TRIM33: variants seen among roughly 807,000 people sequenced by gnomAD.
TRIM33 encodes E3 ubiquitin-protein ligase TRIM33.
A neutral mutation model predicts 125.4 loss-of-function variants in TRIM33; 20 were observed. The ratio of observed to expected loss-of-function variants is 0.16; its 90% confidence interval spans 0.11 to 0.23. The LOEUF (loss-of-function observed/expected upper bound fraction) is 0.23. TRIM33 is among the 10% of genes least tolerant of loss of function. The pLI, the probability that TRIM33 is intolerant of heterozygous loss-of-function variation, is 1.00. For synonymous variants in TRIM33, 564 were observed against 513.9 expected (o/e 1.10, Z -1.32); for missense variants, 920 against 1,411.4 (o/e 0.65, Z 5.58).
intron 4 of TRIM33, among the ~76,000 whole-genome samples, chr1:114,461,169 C>A (rs554713926): frequency 6.7e-6 from 1 of 148,822 alleles, no homozygotes; most frequent in African/African-American, 2.5e-5. Flanking sequence ...TATGATCATG[C>A]CACTGCATTC....
intron 1 of TRIM33, among the ~76,000 whole-genome samples, chr1:114,491,961 A>G (rs1652096788): frequency 6.6e-6 from 1 of 152,220 alleles, no homozygotes; most frequent in Admixed American, 6.5e-5. Flanking sequence ...GGGGCACTTC[A>G]GCTTTATTAC....
intron 1 of TRIM33, among the ~76,000 whole-genome samples, chr1:114,468,160 C>G (rs1391785182): frequency 6.6e-6 from 1 of 152,246 alleles, no homozygotes; most frequent in Non-Finnish European, 1.5e-5. Flanking sequence ...GCACCTATCT[C>G]TTATTCATCT....
chr1:114,472,007 T>A (rs541318143), intron 1 of TRIM33, among the ~76,000 whole-genome samples: 1 of 152,344 alleles, frequency 6.6e-6, no homozygotes, highest in Non-Finnish European at 1.5e-5. Flanking sequence ...GTGTAAATAC[T>A]GCTGCAGAAA....
chr1:114,450,727 G>T (rs1291469025), intron 4 of TRIM33, among the ~76,000 whole-genome samples: 1 of 152,030 alleles, frequency 6.6e-6, no homozygotes, highest in African/African-American at 2.4e-5. Context: ...TTCATTGCTG[G>T]TTTTGGAAAC....
intron 4 of TRIM33, among the ~76,000 whole-genome samples, chr1:114,452,536 T>G (rs1366464000): frequency 1.3e-5 from 2 of 152,030 alleles, no homozygotes; most frequent in East Asian, 3.9e-4. Flanking sequence ...TAATTCAACA[T>G]TTTTTAACCT....
chr1:114,436,744 C>G (rs903820587), intron 4 of TRIM33, among the ~76,000 whole-genome samples: 1 of 152,022 alleles, frequency 6.6e-6, no homozygotes, highest in African/African-American at 2.4e-5. Flanking sequence ...GGATTACAGG[C>G]GTGAGCCACC....
At chr1:114,473,468 A>C (rs1444870705) in intron 1 of TRIM33, among the ~76,000 whole-genome samples, 1 of 152,012 alleles carries the variant, frequency 6.6e-6, no homozygotes, top group African/African-American at 2.4e-5. Flanking sequence ...CCGATTGGCT[A>C]CTTTAAAGAG....
chr1:114,487,630 G>C (rs1651783987), intron 1 of TRIM33, among the ~76,000 whole-genome samples: 1 of 151,878 alleles, frequency 6.6e-6, no homozygotes, highest in Admixed American at 6.6e-5. Flanking sequence ...GGGCGCGGTG[G>C]CTCACGCCTG....
intron 12 of TRIM33, among the ~76,000 whole-genome samples, chr1:114,409,038 A>T (rs1646304374): frequency 6.6e-6 from 1 of 152,224 alleles, no homozygotes; most frequent in Non-Finnish European, 1.5e-5. Flanking sequence ...TATTCTACTT[A>T]GGTTCCCATT....
chr1:114,510,897 G>A lies in TRIM33; in HGVS notation c.180C>T (p.Ala60=). The change falls in exon 1 of 20, where the codon GCC becomes GCT. Residue 60 remains alanine (A), a synonymous_variant. Transcript: ENST00000358465. The part of the protein sequence containing the change: ...GGRAGAEGGA[A]GPDDGGVAAA... ...CGGCCACCCCCCCGTCGTCGGGCCCGGCCGCGCCGCCCTCAGCGCCGGCCC... is the reference window on the plus strand; with the variant it reads ...CGGCCACCCCCCCGTCGTCGGGCCCAGCCGCGCCGCCCTCAGCGCCGGCCC... The A allele has an allele frequency of 1.4e-6, 2 of 1,430,094 alleles. No homozygotes were observed. The highest frequency in any genetic ancestry group is 1.4e-5 in the South Asian group (1 of 69,806). The allele number at this position is 1,430,094 out of a possible 1,614,324, so 88.6% of individuals were successfully genotyped here.
At chr1:114,490,419 C>A (rs1217191294) in intron 1 of TRIM33, among the ~76,000 whole-genome samples, 6 of 152,102 alleles carry the variant, frequency 3.9e-5, no homozygotes, top group Admixed American at 2.6e-4. Context: ...AAACTGGAAC[C>A]CTCATACATA....
intron 1 of TRIM33, among the ~76,000 whole-genome samples, chr1:114,468,074 A>C (rs1650414569): frequency 6.6e-6 from 1 of 152,252 alleles, no homozygotes; most frequent in African/African-American, 2.4e-5. Context: ...GGATGGAAAA[A>C]GATTGTCAAG....
At chr1:114,464,172 A>G (rs1650155218) in intron 2 of TRIM33, 98 bp downstream of exon 2, 3 of 582,620 alleles carry the variant, frequency 5.1e-6, no homozygotes, top group Admixed American at 7.2e-5. Context: ...AATCCATAGC[A>G]GAACCACCCT....
At chr1:114,499,195 C>G (rs1246769562) in intron 1 of TRIM33, among the ~76,000 whole-genome samples, 1 of 152,014 alleles carries the variant, frequency 6.6e-6, no homozygotes, top group Non-Finnish European at 1.5e-5. Context: ...AAGAAAACTT[C>G]AAAAATTCAA....
At chr1:114,476,701 A>G (rs1023672654) in intron 1 of TRIM33, among the ~76,000 whole-genome samples, 6 of 152,154 alleles carry the variant, frequency 3.9e-5, no homozygotes, top group African/African-American at 1.4e-4. Flanking sequence ...ATCAGAAAAT[A>G]CTCCATGTAA....
At chr1:114,472,657 G>T (rs1650720997) in intron 1 of TRIM33, among the ~76,000 whole-genome samples, 4 of 152,174 alleles carry the variant, frequency 2.6e-5, no homozygotes, top group Admixed American at 2.6e-4. Context: ...CTGAGGGTGT[G>T]AGGTCAAGCT....
chr1:114,508,986 A>G (rs985174932), intron 1 of TRIM33, among the ~76,000 whole-genome samples: 1 of 152,136 alleles, frequency 6.6e-6, no homozygotes, highest in Admixed American at 6.6e-5. Context: ...CCCCAAACCA[A>G]AATGCTTCAT....
chr1:114,430,103 C>T (rs893004984), intron 6 of TRIM33, among the ~76,000 whole-genome samples: 3 of 151,804 alleles, frequency 2.0e-5, no homozygotes, highest in Non-Finnish European at 2.9e-5. Flanking sequence ...AGGTAAAATA[C>T]ACAAATGACT....
intron 5 of TRIM33, among the ~76,000 whole-genome samples, chr1:114,432,889 A>G (rs1648053342): frequency 6.6e-6 from 1 of 152,254 alleles, no homozygotes; most frequent in Admixed American, 6.5e-5. Flanking sequence ...TTAATCATAA[A>G]TTAATGAACT....
Sources: gnomAD v4.1 joint callset for allele counts (sites outside exome capture counted in the v4.1 genomes callset) on GRCh38, gnomAD v4.1.1 for gene constraint, MANE v1.5 for transcripts, NCBI Gene and HGNC (gene_info 2026-07-23, HGNC 2026-07-21) for gene names.